OTUD7A: variants seen among roughly 807,000 people sequenced by gnomAD.
The protein encoded by OTUD7A is OTU domain-containing protein 7A.
Under a neutral mutation model 65.7 loss-of-function variants are expected in OTUD7A, and 12 were observed. The ratio of observed to expected loss-of-function variants is 0.18; its 90% CI spans 0.12 to 0.30. OTUD7A has a LOEUF of 0.30. Ranked by LOEUF, OTUD7A falls within the 10% of genes least tolerant of loss-of-function variation. The probability of loss-of-function intolerance (pLI) is 1.00; values close to 1 mark genes in which losing one functional copy is unlikely to be tolerated. For missense variants in OTUD7A, 1,148 were observed against 1,304.8 expected (o/e 0.88, Z 1.85); for synonymous variants, 641 against 586.3 (o/e 1.09, Z -1.35).
chr15:31,685,960 A>G (rs1340138537), intron 1 of OTUD7A, among the ~76,000 whole-genome samples: 2 of 152,322 alleles, frequency 1.3e-5, no homozygotes, highest in African/African-American at 4.8e-5. Flanking sequence ...AACTGCCCTG[A>G]GGGTGTGTCT....
At chr15:31,796,286 T>C (rs527965809) in intron 1 of OTUD7A, among the ~76,000 whole-genome samples, 1 of 152,162 alleles carries the variant, frequency 6.6e-6, no homozygotes, top group African/African-American at 2.4e-5. Flanking sequence ...TTGGCTCACA[T>C]GATTGCGGGG....
chr15:31,844,000 A>G (rs1038353561), intron 1 of OTUD7A, among the ~76,000 whole-genome samples: 4 of 152,210 alleles, frequency 2.6e-5, no homozygotes, highest in African/African-American at 9.6e-5. Context: ...TTTCCAATCA[A>G]TCAGACCTCA....
At chr15:31,590,239 T>C (rs2141196561) in intron 3 of OTUD7A, among the ~76,000 whole-genome samples, 1 of 152,356 alleles carries the variant, frequency 6.6e-6, no homozygotes, top group South Asian at 2.1e-4. Context: ...TTACGATCAA[T>C]AGGTTATAGC....
Position 31,647,107 on chromosome 15 carries a change from C to T in OTUD7A, c.151+7989G>A, listed in dbSNP as rs999822563. Among the ~76,000 whole-genome samples, 6 of 152,288 alleles carry T rather than the reference C, an allele frequency of 3.9e-5. No homozygotes were observed. In the South Asian group the frequency reaches 8.3e-4, roughly 21 times the overall value. On this transcript the variant is annotated intron_variant, in intron 3 of 12. Transcript: ENST00000307050. ...ACGGCAGAGCTCTCTCTAGTGGGAA[C>T]GGGACACTTGGAAGGGCAGCCAACG...
intron 3 of OTUD7A, among the ~76,000 whole-genome samples, chr15:31,617,966 C>T (rs972858667): frequency 6.7e-6 from 1 of 149,644 alleles, no homozygotes; most frequent in Non-Finnish European, 1.5e-5. Context: ...GTGTGATGTT[C>T]CCCTTCCTGT....
intron 12 of OTUD7A, among the ~76,000 whole-genome samples, chr15:31,485,485 G>C (rs1339282738): frequency 6.6e-6 from 1 of 152,154 alleles, no homozygotes; most frequent in Non-Finnish European, 1.5e-5. Flanking sequence ...GGTGGGGTGG[G>C]GTGACGCTGG....
intron 5 of OTUD7A, among the ~76,000 whole-genome samples, chr15:31,555,355 C>T (rs1255148223): frequency 6.6e-6 from 1 of 152,128 alleles, no homozygotes; most frequent in East Asian, 1.9e-4. Context: ...TTTTTGACAT[C>T]TGTATTTCAA....
At chr15:31,865,938 C>T (rs533668137) in intron 1 of OTUD7A, among the ~76,000 whole-genome samples, 2 of 152,276 alleles carry the variant, frequency 1.3e-5, no homozygotes, top group African/African-American at 4.8e-5. Context: ...ATTCAGACAT[C>T]AAATTTCCAT....
chr15:31,509,761 AT>A (rs531295366), intron 8 of OTUD7A, among the ~76,000 whole-genome samples: 2 of 137,880 alleles, frequency 1.5e-5, no homozygotes, highest in East Asian at 2.1e-4. Context: ...ATTACGTAAT[AT>A]TTTTTGCATA....
chr15:31,610,001 G>C (rs549375466), intron 3 of OTUD7A, among the ~76,000 whole-genome samples: 3 of 151,474 alleles, frequency 2.0e-5, no homozygotes, highest in African/African-American at 7.3e-5. Flanking sequence ...TCACAGGAAA[G>C]GGGGAGAATA....
rs551442151 is a variant in OTUD7A at position 31,755,035 on chromosome 15, G to C, written c.-99-97958C>G. 2.0e-5 allele frequency among the ~76,000 whole-genome samples: 3 copies of C among 151,280 alleles called. No homozygotes were observed. The East Asian group carries it at 5.9e-4, about 30-fold the overall frequency. On this transcript the variant is annotated intron_variant, in intron 1 of 12. Transcript: ENST00000307050. ...AGAGAGAGAGATGGTGTGTGTGTGT[G>C]ATTATGTGTGTGTTCCTCTGTGTTC...
intron 3 of OTUD7A, among the ~76,000 whole-genome samples, chr15:31,645,666 G>A (rs1348987108): frequency 1.3e-5 from 2 of 152,152 alleles, no homozygotes; most frequent in Non-Finnish European, 2.9e-5. Flanking sequence ...TTCCCAGATT[G>A]TCTTATAATT....
At position 31,526,379 on chromosome 15, in the gene OTUD7A, T is replaced by C. The variant is rs2042014019; in HGVS notation, c.863A>G (p.His288Arg). ...GCCCGTGCCGCCATTCTTGCTGAAG[T>C]GTGTGCGCGGCTCGCTGGAGGCCAG... Reference protein sequence around the residue: ...LKLASSEPRTHFSKNGGTGGG... With the variant: ...LKLASSEPRTRFSKNGGTGGG... Residue 288 changes from histidine to arginine, a missense_variant, in exon 8 of 13, where the codon CAC becomes CGC. Coordinates refer to ENST00000307050, the MANE Select transcript of OTUD7A (RefSeq NM_001382637.1). The C allele has an allele frequency of 1.2e-6, 2 of 1,601,170 alleles. No individual in the cohort carries two copies. The highest frequency in any genetic ancestry group is 1.7e-6 in the Non-Finnish European group (2 of 1,178,426).
At chr15:31,868,773 C>T (rs148454751) in intron 1 of OTUD7A, among the ~76,000 whole-genome samples, 42 of 152,282 alleles carry the variant, frequency 2.8e-4, no homozygotes, top group African/African-American at 1.0e-3. Flanking sequence ...GAGACCCGCA[C>T]GTGGCAATAC....
At chr15:31,744,227 A>G (rs991031976) in intron 1 of OTUD7A, among the ~76,000 whole-genome samples, 5 of 152,198 alleles carry the variant, frequency 3.3e-5, no homozygotes, top group Non-Finnish European at 7.4e-5. Context: ...AACTTTAAGA[A>G]GATAAGAGAA....
chr15:31,606,982 GA>G (rs1890256983), intron 3 of OTUD7A, among the ~76,000 whole-genome samples: 1 of 152,150 alleles, frequency 6.6e-6, no homozygotes, highest in Non-Finnish European at 1.5e-5. Flanking sequence ...TTCGCTTCTG[GA>G]AATGGTGGAG....
In OTUD7A at chr15:31,511,765, T is replaced by C. The variant is rs552346298; in HGVS notation, c.894-7947A>G. On this transcript the variant is annotated intron_variant, in intron 8 of 12. Coordinates refer to ENST00000307050, the MANE Select transcript of OTUD7A (RefSeq NM_001382637.1). The stretch of plus-strand genomic sequence containing the variant: ...TATATATGTATATCTATATGTAACA[T>C]ACATATATATGTATATATATTTTAC... 2.7e-4 allele frequency among the ~76,000 whole-genome samples: 40 copies of C among 150,006 alleles called. 1 individual carries two copies. The highest frequency in any genetic ancestry group is 2.3e-3 in the South Asian group (11 of 4,742).
chr15:31,860,946 C>T (rs1897726014), intron 1 of OTUD7A, among the ~76,000 whole-genome samples: 1 of 147,614 alleles, frequency 6.8e-6, no homozygotes, highest in East Asian at 2.0e-4. Flanking sequence ...GTCTCGATCT[C>T]CTGACCTCGT....
intron 1 of OTUD7A, among the ~76,000 whole-genome samples, chr15:31,868,685 CT>C (rs1331026696): frequency 6.6e-6 from 1 of 152,300 alleles, no homozygotes; most frequent in East Asian, 1.9e-4. Context: ...GGTGTCCCCT[CT>C]CCTTCTCCAC....
Sources: gnomAD v4.1 joint callset for allele counts (sites outside exome capture counted in the v4.1 genomes callset) on GRCh38, gnomAD v4.1.1 for gene constraint, MANE v1.5 for transcripts, NCBI Gene and HGNC (gene_info 2026-07-23, HGNC 2026-07-21) for gene names.